Variants in ABAT observed in about 807,000 individuals in gnomAD.
ABAT encodes 4-aminobutyrate aminotransferase, mitochondrial.
A neutral mutation model predicts 64.6 loss-of-function variants in ABAT; 45 were observed. The ratio of observed to expected loss-of-function variants is 0.70; its 90% CI spans 0.55 to 0.89. ABAT has a LOEUF of 0.89. ABAT is among the 40% of genes least tolerant of loss of function. ABAT has a pLI of 0.00. For synonymous variants in ABAT, 297 were observed against 250.5 expected, an observed-to-expected ratio of 1.19 and a Z score of -1.75; for missense variants, 633 against 658.4, an observed-to-expected ratio of 0.96 and a Z score of 0.42.
intron 12 of ABAT, 24 bp from the exon 13 acceptor site, chr16:8,774,866 C>T (rs1402896008): frequency 5.0e-6 from 8 of 1,612,792 alleles, no homozygotes; most frequent in Admixed American, 1.7e-5. Flanking sequence ...GTTTATTTCT[C>T]CCTCCTCTCT....
chr16:8,773,111 C>T (rs1397590861), intron 12 of ABAT, among the ~76,000 whole-genome samples, 194 bp downstream of exon 12: 2 of 101,524 alleles, frequency 2.0e-5, no homozygotes, highest in African/African-American at 6.1e-5. Context: ...ACTATACACA[C>T]ACACACACAC....
In ABAT at chr16:8,686,145, T is replaced by C. The variant is rs2057450886; in HGVS notation, c.-42+11434T>C. On this transcript the variant is annotated intron_variant, in intron 1 of 15. Coordinates refer to ENST00000268251, the MANE Select transcript of ABAT (RefSeq NM_020686.6). ...CTGTTTTGTGCACGGGAACAAAGCC[T>C]GCCTCCTCTCTCTGCCCAGAGCTGT... Among the ~76,000 whole-genome samples the C allele has an allele frequency of 2.0e-5, 3 of 152,188 alleles. No homozygotes were observed. In the South Asian group the frequency reaches 6.2e-4, roughly 31 times the overall value.
chr16:8,733,291 G>A lies in ABAT; in HGVS notation c.-41-2408G>A, dbSNP rs995727422. Among the ~76,000 whole-genome samples the A allele has an allele frequency of 8.6e-5, 13 of 151,150 alleles. 2 individuals carry two copies. Among genetic ancestry groups the A allele is most frequent in the African/African-American group, 3.2e-4 (13 of 40,644 alleles). The stretch of plus-strand genomic sequence containing the variant: ...GATGTGATGGCGGCCGGGAAGAGGT[G>A]GTCCTCACTTCCTAGGTGGGATGGC... On this transcript the variant is annotated intron_variant, in intron 1 of 15. Transcript: ENST00000268251.
chr16:8,675,523 C>T (rs539913230), intron 1 of ABAT, among the ~76,000 whole-genome samples: 2 of 152,252 alleles, frequency 1.3e-5, no homozygotes, highest in South Asian at 4.1e-4. Flanking sequence ...CAATCCCATC[C>T]TTCTCCACCT....
intron 9 of ABAT, among the ~76,000 whole-genome samples, chr16:8,766,899 G>A (rs1232293136): frequency 6.7e-6 from 1 of 150,122 alleles, no homozygotes; most frequent in African/African-American, 2.5e-5. Flanking sequence ...AACCCGACGG[G>A]CGCGGAGGTT....
intron 1 of ABAT, among the ~76,000 whole-genome samples, chr16:8,729,723 G>A (rs1252370468): frequency 6.6e-6 from 1 of 151,806 alleles, no homozygotes; most frequent in African/African-American, 2.4e-5. Context: ...CTACTTGGCA[G>A]GGCTAAGGTG....
intron 1 of ABAT, chr16:8,705,632 T>C (rs986564907): frequency 4.6e-5 from 7 of 152,230 alleles, no homozygotes; most frequent in Non-Finnish European, 8.8e-5. Flanking sequence ...CCAGGGGTGA[T>C]GGTCTGGCTT....
rs1247215304 is a variant in ABAT, at chr16:8,783,461, G to A, written c.*2031G>A. 1.3e-5 allele frequency: 2 copies of A among 152,226 alleles called. No homozygotes were observed. Among genetic ancestry groups the A allele is most frequent in the African/African-American group, 4.8e-5 (2 of 41,428 alleles). 9.4% of individuals were successfully genotyped at this position (152,226 alleles called of 1,614,324 possible). A position where few individuals can be genotyped will look rare whatever the true frequency, so the allele number is the denominator to read the frequency against. ...TCAAAGAAAAGGTGTCATTGGAGCA[G>A]TGTTTTGCAGAATGAGCCAGAGTTC... On this transcript the variant is annotated 3_prime_UTR_variant, in exon 16 of 16. Transcript: ENST00000268251.
chr16:8,775,159 T>C (rs2060229523), intron 13 of ABAT, 102 bp downstream of exon 13: 1 of 1,501,630 alleles, frequency 6.7e-7, no homozygotes, highest in Admixed American at 1.8e-5. Flanking sequence ...GGTGGGCACT[T>C]ACTGGGTCGC....
intron 2 of ABAT, among the ~76,000 whole-genome samples, chr16:8,740,617 T>C (rs1023925303): frequency 7.9e-5 from 12 of 152,222 alleles, no homozygotes; most frequent in Non-Finnish European, 1.8e-4. Flanking sequence ...TGCTTCTCCA[T>C]GGTGTCTCCA....
Position 8,776,279 on chromosome 16 carries a change from G to C in ABAT, c.1123-65G>C. ...TTCAAGAGAGGAGGCGGGGCGCCTG[G>C]GGTAAGTGACTCCTGCAGGGTGTGC... is the stretch of plus-strand genomic sequence containing the variant. On this transcript the variant is annotated intron_variant, in intron 13 of 15. Transcript: ENST00000268251. This position sits in a 1 kb window ranked among gnomAD's most constrained non-coding sequence, Gnocchi z 4.4. 1 of 1,611,532 alleles carries C rather than the reference G, an allele frequency of 6.2e-7. No homozygotes were observed. Among genetic ancestry groups the C allele is most frequent in the South Asian group, 1.1e-5 (1 of 90,980 alleles).
intron 13 of ABAT, among the ~76,000 whole-genome samples, chr16:8,775,556 A>C (rs1002724581): frequency 2.1e-5 from 1 of 48,614 alleles, no homozygotes; most frequent in African/African-American, 6.3e-5. Context: ...CCATGTGTGC[A>C]TACAGATTTA....
At chr16:8,750,811 G>A (rs1054213845) in intron 5 of ABAT, among the ~76,000 whole-genome samples, 1 of 152,140 alleles carries the variant, frequency 6.6e-6, no homozygotes, top group African/African-American at 2.4e-5. Context: ...AGCATAGAAA[G>A]GTTTGGTACC....
At chr16:8,748,469 G>C (rs529422536) in intron 4 of ABAT, among the ~76,000 whole-genome samples, 1 of 152,220 alleles carries the variant, frequency 6.6e-6, no homozygotes, top group East Asian at 1.9e-4. Flanking sequence ...CTAGCCTGGA[G>C]AATATTCCAT....
At position 8,701,884 on chromosome 16, in the gene ABAT, C is replaced by T. The variant is rs549641253; in HGVS notation, c.-42+27173C>T. Reference sequence around the variant, plus strand: ...GCTCTTGGGTCAGGCTCATCTGGCACGTTCAAGGAACCACGAGGGGGCCAG... The same window carrying T: ...GCTCTTGGGTCAGGCTCATCTGGCATGTTCAAGGAACCACGAGGGGGCCAG... On this transcript the variant is annotated intron_variant, in intron 1 of 15. Coordinates refer to ENST00000268251, the MANE Select transcript of ABAT (RefSeq NM_020686.6). Among the ~76,000 whole-genome samples the T allele has an allele frequency of 5.7e-3, 827 of 145,126 alleles. 6 individuals are homozygous for T. Among genetic ancestry groups the T allele is most frequent in the African/African-American group, 0.02 (790 of 38,778 alleles).
At chr16:8,718,537 T>A (rs930602122) in intron 1 of ABAT, among the ~76,000 whole-genome samples, 1 of 152,106 alleles carries the variant, frequency 6.6e-6, no homozygotes, top group Admixed American at 6.5e-5. Context: ...ATTCAACAAG[T>A]GTTTTTGAGC....
At chr16:8,777,510 CATA>C (rs1216195239) in intron 14 of ABAT, among the ~76,000 whole-genome samples, 1 of 152,210 alleles carries the variant, frequency 6.6e-6, no homozygotes, top group African/African-American at 2.4e-5. Context: ...AGAAATCTCA[CATA>C]ATACTTCTAA....
At chr16:8,739,147 CAGTGAAGAAAG>C (rs2142482275) in intron 2 of ABAT, among the ~76,000 whole-genome samples, 1 of 152,258 alleles carries the variant, frequency 6.6e-6, no homozygotes, top group East Asian at 1.9e-4. Flanking sequence ...AAGGATGTGG[CAGTGAAGAAAG>C]ACATGTGGCT....
chr16:8,705,507 CTA>C (rs2057920097), intron 1 of ABAT: 1 of 152,098 alleles, frequency 6.6e-6, no homozygotes, highest in South Asian at 2.1e-4. Context: ...TTTAAAAGAG[CTA>C]TAACACTGAG....
Sources: allele counts gnomAD v4.1 joint callset (sites outside exome capture counted in the v4.1 genomes callset), GRCh38; gene constraint gnomAD v4.1.1; non-coding constraint Gnocchi (gnomAD v3.1); transcripts MANE v1.5; gene names NCBI Gene and HGNC (gene_info 2026-07-23, HGNC 2026-07-21).